Variants in TRPV1 observed in about 807,000 individuals in gnomAD.
The protein encoded by TRPV1 is transient receptor potential cation channel subfamily V member 1.
A neutral mutation model predicts 82.3 loss-of-function variants in TRPV1; 82 were observed. That is an observed-to-expected ratio of 1.00 (90% CI 0.83 to 1.20). The LOEUF is 1.20. TRPV1 is among the 50% of genes most tolerant of loss of function. TRPV1 has a pLI of 0.00. For synonymous variants in TRPV1, 515 were observed against 467.7 expected (o/e 1.10, Z -1.30); for missense variants, 1,067 against 1,096.8 (o/e 0.97, Z 0.38).
intron 12 of TRPV1, 35 bp downstream of exon 12, chr17:3,577,563 C>T (rs902283906): frequency 1.0e-5 from 16 of 1,556,888 alleles, no homozygotes; most frequent in Non-Finnish European, 1.3e-5. Flanking sequence ...GGTAAGCGGG[C>T]TCTGAGGAGA....
intron 11 of TRPV1, among the ~76,000 whole-genome samples, chr17:3,579,261 A>G (rs145476704): frequency 0.011 from 1,605 of 152,242 alleles, 11 homozygotes; most frequent in Middle Eastern, 0.017. Flanking sequence ...AAAAAAAAAA[A>G]TTGGGTTAAA....
At chr17:3,589,689 C>T (rs2075128768) in intron 7 of TRPV1, 118 bp downstream of exon 7, 1 of 1,251,368 alleles carries the variant, frequency 8.0e-7, no homozygotes. Flanking sequence ...GCTGGTATGA[C>T]AGAATCAGAG....
chr17:3,605,713 C>G (rs988633575), intron 2 of TRPV1, among the ~76,000 whole-genome samples: 1 of 152,070 alleles, frequency 6.6e-6, no homozygotes, highest in African/African-American at 2.4e-5. Flanking sequence ...GTGTCTTTTT[C>G]TTTTCCTAGG....
intron 13 of TRPV1, among the ~76,000 whole-genome samples, chr17:3,576,668 A>AAAAAAATATATAT: frequency 1.8e-4 from 7 of 38,412 alleles, no homozygotes; most frequent in African/African-American, 2.2e-4. Flanking sequence ...AAAAAAAAAA[A>AAAAAAATATATAT]ATATATATAT....
intron 3 of TRPV1, 58 bp from the exon 4 acceptor site, chr17:3,591,411 T>C: frequency 2.0e-6 from 3 of 1,510,972 alleles, no homozygotes; most frequent in Non-Finnish European, 2.6e-6. Flanking sequence ...CCCTGAGGCC[T>C]TCGGAGCTTG....
chr17:3,572,984 G>GAAAAAAA (rs137909617), intron 14 of TRPV1, among the ~76,000 whole-genome samples: 1 of 71,258 alleles, frequency 1.4e-5, no homozygotes, highest in Admixed American at 1.8e-4. Context: ...CTCCATCTCA[G>GAAAAAAA]AAAAAAAAAA....
rs57290148 is a variant in TRPV1, at chr17:3,598,563, C to CTT, written c.-33-6182_-33-6181dup. Reference sequence around the variant, plus strand: ...CCCCACCATACCCCTCGCTTAGTCACTTTTTTTTTTTTTTTTTTTTTAGAT... The same window carrying CTT: ...CCCCACCATACCCCTCGCTTAGTCACTTTTTTTTTTTTTTTTTTTTTTTAGAT... On this transcript the variant is annotated intron_variant, in intron 2 of 16. Coordinates refer to ENST00000572705, the MANE Select transcript of TRPV1 (RefSeq NM_080704.4). Among the ~76,000 whole-genome samples the CTT allele has an allele frequency of 1.6e-3, 182 of 116,792 alleles. 1 individual carries two copies. The highest frequency in any genetic ancestry group is 1.8e-3 in the Non-Finnish European group (104 of 58,968). 76.6% of individuals were successfully genotyped at this position (116,792 alleles called of 152,430 possible). A position where few individuals can be genotyped will look rare whatever the true frequency, so the allele number is the denominator to read the frequency against.
chr17:3,590,474 A>G, intron 5 of TRPV1, 82 bp from the exon 6 acceptor site: 1 of 1,560,422 alleles, frequency 6.4e-7, no homozygotes, highest in South Asian at 1.2e-5. Flanking sequence ...GGCTCTGGGC[A>G]GGCAGCAGCT....
chr17:3,572,764 C>T (rs1266274700), intron 14 of TRPV1, among the ~76,000 whole-genome samples: 1 of 152,182 alleles, frequency 6.6e-6, no homozygotes, highest in East Asian at 1.9e-4. Context: ...AGGCAGATCA[C>T]CTGAGGTCAG....
At chr17:3,603,951 C>T (rs866879159) in intron 2 of TRPV1, among the ~76,000 whole-genome samples, 2 of 152,160 alleles carry the variant, frequency 1.3e-5, no homozygotes, top group Admixed American at 6.5e-5. Context: ...AAGAAGCCCA[C>T]GATGGACAGG....
rs201086616 is a variant in TRPV1 at position 3,566,757 on chromosome 17, C to A, written c.*58G>T. 1.0e-5 allele frequency: 16 copies of A among 1,578,226 alleles called. No individual in the cohort carries two copies. Among genetic ancestry groups the A allele is most frequent in the African/African-American group, 2.7e-5 (2 of 74,182 alleles). On this transcript the variant is annotated 3_prime_UTR_variant, in exon 17 of 17. Coordinates refer to ENST00000572705, the MANE Select transcript of TRPV1 (RefSeq NM_080704.4). ...AGCACTGGTGTTCCCTCAGCAGCCC[C>A]CCGTGGCAACGGGGTCTCCTAAGGC...
intron 16 of TRPV1, among the ~76,000 whole-genome samples, chr17:3,569,892 C>A (rs548320145): frequency 6.6e-6 from 1 of 151,178 alleles, no homozygotes; most frequent in Non-Finnish European, 1.5e-5. Context: ...AGAATAGGGG[C>A]CAAGGGGTTA....
chr17:3,590,127 G>T (rs56265426), intron 6 of TRPV1, 22 bp from the exon 7 acceptor site: 1 of 1,593,596 alleles, frequency 6.3e-7, no homozygotes, highest in African/African-American at 1.3e-5. Context: ...CAGGGCCCAG[G>T]TGGGCCTCAG....
intron 16 of TRPV1, among the ~76,000 whole-genome samples, chr17:3,568,230 G>A (rs1183805476): frequency 6.6e-6 from 1 of 151,486 alleles, no homozygotes; most frequent in Non-Finnish European, 1.5e-5. Flanking sequence ...GCTGAAGCAG[G>A]AGAATGGCGT....
At chr17:3,594,347 A>G (rs1321786421) in intron 2 of TRPV1, among the ~76,000 whole-genome samples, 4 of 148,852 alleles carry the variant, frequency 2.7e-5, no homozygotes, top group East Asian at 3.9e-4. Flanking sequence ...TTTGAAATAT[A>G]TAATCAGGCA....
rs199945448 is a variant in TRPV1, at chr17:3,590,051, A to T, written c.800T>A (p.Phe267Tyr). ...ACTNQLGIVKFLLQNSWQTAD... is the reference protein window; with the variant it reads ...ACTNQLGIVKYLLQNSWQTAD... ...CGTCTGCCAGGAGTTCTGCAGCAGG[A>T]ACTTCACGATGCCCAGCTGGTTGGT... is the stretch of plus-strand genomic sequence containing the variant. The change falls in exon 7 of 17, where the codon TTC (phenylalanine) becomes TAC (tyrosine). Residue 267 changes from phenylalanine to tyrosine, a missense_variant. Phe to Tyr is a conservative substitution (Grantham distance 22). Transcript: ENST00000572705. The T allele has an allele frequency of 1.3e-6, 2 of 1,593,934 alleles. No individual in the cohort carries two copies. Among genetic ancestry groups the T allele is most frequent in the Non-Finnish European group, 1.7e-6 (2 of 1,170,936 alleles).
intron 2 of TRPV1, among the ~76,000 whole-genome samples, chr17:3,602,861 C>A (rs1043930417): frequency 2.0e-5 from 3 of 152,236 alleles, no homozygotes; most frequent in Non-Finnish European, 2.9e-5. Flanking sequence ...GTGGCTCACG[C>A]CCGTAATCCC....
At position 3,607,615 on chromosome 17, in the gene TRPV1, C is replaced by A. The variant is rs1007135070; in HGVS notation, c.-34+812G>T. Among the ~76,000 whole-genome samples, 7 of 150,770 alleles carry A rather than the reference C, an allele frequency of 4.6e-5. No individual in the cohort carries two copies. In the South Asian group the frequency reaches 1.3e-3, roughly 27 times the overall value. The stretch of plus-strand genomic sequence containing the variant: ...GCAGTGGTGCGATCTCAGCTCACTG[C>A]AACCTCTGCTTCCAGAGCTCAAGCG... On this transcript the variant is annotated intron_variant, in intron 2 of 16. Coordinates refer to ENST00000572705, the MANE Select transcript of TRPV1 (RefSeq NM_080704.4).
intron 13 of TRPV1, among the ~76,000 whole-genome samples, chr17:3,576,668 A>AT (rs1555549457): frequency 0.19 from 7,239 of 38,522 alleles, 783 homozygotes; most frequent in South Asian, 0.37. Context: ...AAAAAAAAAA[A>AT]ATATATATAT....
Sources: allele counts gnomAD v4.1 joint callset (sites outside exome capture counted in the v4.1 genomes callset), GRCh38; gene constraint gnomAD v4.1.1; transcripts MANE v1.5; gene names NCBI Gene and HGNC (gene_info 2026-07-23, HGNC 2026-07-21).